The following NEGR1 variants were observed in gnomAD, a reference collection of about 807,000 sequenced individuals.
NEGR1 encodes the protein IgLON family member 4.
A neutral mutation model predicts 40.9 loss-of-function variants in NEGR1; 10 were observed. The observed-to-expected ratio is 0.24, with a 90% confidence interval of 0.15 to 0.42. The LOEUF (loss-of-function observed/expected upper bound fraction) is 0.42. Among genes scored for constraint, NEGR1 ranks in the 10% least tolerant of loss-of-function variants. The pLI is 1.00. For missense variants in NEGR1, 352 were observed against 438.9 expected, an observed-to-expected ratio of 0.80 and a Z score of 1.77; for synonymous variants, 185 against 166.8, an observed-to-expected ratio of 1.11 and a Z score of -0.84.
At chr1:71,720,393 A>G (rs1654465992) in intron 3 of NEGR1, among the ~76,000 whole-genome samples, 1 of 152,194 alleles carries the variant, frequency 6.6e-6, no homozygotes, top group Non-Finnish European at 1.5e-5. Context: ...ATACATATGC[A>G]TGGGTGATGG....
chr1:71,969,519 C>G (rs1646238727), intron 1 of NEGR1, among the ~76,000 whole-genome samples: 1 of 152,282 alleles, frequency 6.6e-6, no homozygotes, highest in South Asian at 2.1e-4. Context: ...ACCAAGCAAC[C>G]CAGTCAATCA....
chr1:71,615,086 C>T (rs2101547052), intron 4 of NEGR1, among the ~76,000 whole-genome samples: 1 of 152,254 alleles, frequency 6.6e-6, no homozygotes, highest in South Asian at 2.1e-4. Flanking sequence ...TCTCATGAGG[C>T]TATCCCTTTG....
intron 1 of NEGR1, among the ~76,000 whole-genome samples, chr1:72,132,910 G>A (rs1056212536): frequency 6.6e-6 from 1 of 152,020 alleles, no homozygotes; most frequent in Non-Finnish European, 1.5e-5. Context: ...CAGTTGTGTT[G>A]TTTTCTTCAA....
chr1:72,097,224 A>T (rs149521099), intron 1 of NEGR1, among the ~76,000 whole-genome samples: 23 of 152,276 alleles, frequency 1.5e-4, no homozygotes, highest in African/African-American at 4.8e-4. Context: ...CAATATTTTA[A>T]CTTGTTTAAT....
rs138166657 is a variant in NEGR1, at chr1:71,488,878, T to C, written c.941-81308A>G. On this transcript the variant is annotated intron_variant, in intron 6 of 6. Transcript: ENST00000357731. ...TCACAAAGATGATGGTGTGGTATAA[T>C]TGAAAATACTACACAGTTTGGAAAC... is the stretch of plus-strand genomic sequence containing the variant. 1.8e-3 allele frequency among the ~76,000 whole-genome samples: 280 copies of C among 151,890 alleles called. 2 individuals are homozygous for C. The highest frequency in any genetic ancestry group is 0.016 in the Admixed American group (241 of 15,200).
intron 6 of NEGR1, among the ~76,000 whole-genome samples, chr1:71,483,633 G>A (rs1027747810): frequency 1.3e-5 from 2 of 151,676 alleles, no homozygotes; most frequent in Non-Finnish European, 2.9e-5. Flanking sequence ...TTATCCACTG[G>A]TAGTGGCTGC....
chr1:71,831,792 G>A (rs1658849034), intron 2 of NEGR1, among the ~76,000 whole-genome samples: 1 of 111,390 alleles, frequency 9.0e-6, no homozygotes, highest in Non-Finnish European at 1.9e-5. Flanking sequence ...GATATTTTGG[G>A]CTGAGACAAA....
At chr1:72,003,904 T>C (rs1263720968) in intron 1 of NEGR1, among the ~76,000 whole-genome samples, 3 of 152,160 alleles carry the variant, frequency 2.0e-5, no homozygotes, top group African/African-American at 7.2e-5. Flanking sequence ...GATTGATAGT[T>C]CATTTGCATG....
At position 71,870,639 on chromosome 1, in the gene NEGR1, G is replaced by T. The variant is rs142887424; in HGVS notation, c.409+64440C>A. Reference sequence around the variant, plus strand: ...GAATTTGGTATTGTAATATATTAAAGATTAAGTAATACTTTTATTATTCAT... The same window carrying T: ...GAATTTGGTATTGTAATATATTAAATATTAAGTAATACTTTTATTATTCAT... On this transcript the variant is annotated intron_variant, in intron 2 of 6. Transcript: ENST00000357731. 1.1e-3 allele frequency among the ~76,000 whole-genome samples: 173 copies of T among 152,216 alleles called. 1 individual carries two copies. In the East Asian group the frequency reaches 0.019, roughly 17 times the overall value.
intron 1 of NEGR1, among the ~76,000 whole-genome samples, chr1:71,967,266 G>A (rs1036761912): frequency 6.6e-6 from 1 of 152,096 alleles, no homozygotes; most frequent in African/African-American, 2.4e-5. Flanking sequence ...TGTAATAAAT[G>A]GATTATGACG....
At chr1:72,071,485 G>C (rs1177909047) in intron 1 of NEGR1, among the ~76,000 whole-genome samples, 1 of 151,894 alleles carries the variant, frequency 6.6e-6, no homozygotes, top group Admixed American at 6.6e-5. Flanking sequence ...CAATAATCTA[G>C]GAATGTAAAT....
intron 2 of NEGR1, among the ~76,000 whole-genome samples, chr1:71,887,512 T>C (rs1241966058): frequency 6.6e-6 from 1 of 152,196 alleles, no homozygotes; most frequent in East Asian, 1.9e-4. Flanking sequence ...TTTAATTTAT[T>C]TTTTCTTTAA....
At chr1:71,873,150 G>C (rs546262587) in intron 2 of NEGR1, among the ~76,000 whole-genome samples, 2 of 147,264 alleles carry the variant, frequency 1.4e-5, no homozygotes, top group African/African-American at 5.0e-5. Flanking sequence ...GACAAATAGA[G>C]TATTTTGAGG....
intron 6 of NEGR1, among the ~76,000 whole-genome samples, chr1:71,440,688 T>G (rs1646541389): frequency 6.6e-6 from 1 of 152,208 alleles, no homozygotes; most frequent in South Asian, 2.1e-4. Context: ...CACTCCAGGC[T>G]GCTGAATCAA....
chr1:72,220,605 A>AT (rs1273740584), intron 1 of NEGR1, among the ~76,000 whole-genome samples: 1 of 152,090 alleles, frequency 6.6e-6, no homozygotes, highest in African/African-American at 2.4e-5. Flanking sequence ...CAAATTTGTG[A>AT]TATAGTACTT....
chr1:71,794,592 A>G (rs1657251296), intron 2 of NEGR1: 1 of 152,190 alleles, frequency 6.6e-6, no homozygotes, highest in Admixed American at 6.6e-5. Context: ...ATGTACATAA[A>G]TAAGTTATGC....
chr1:72,081,221 G>C (rs940229022), intron 1 of NEGR1, among the ~76,000 whole-genome samples: 7 of 152,000 alleles, frequency 4.6e-5, no homozygotes, highest in Non-Finnish European at 7.4e-5. Flanking sequence ...GTACATCCTA[G>C]AGAAATCAAA....
At chr1:71,643,004 T>A (rs1196100103) in intron 4 of NEGR1, among the ~76,000 whole-genome samples, 1 of 151,900 alleles carries the variant, frequency 6.6e-6, no homozygotes, top group Non-Finnish European at 1.5e-5. Context: ...AGAAGGGGAA[T>A]AAAAAGACCA....
intron 6 of NEGR1, among the ~76,000 whole-genome samples, chr1:71,466,437 G>A (rs1646746348): frequency 2.0e-5 from 3 of 151,952 alleles, no homozygotes; most frequent in African/African-American, 7.3e-5. Flanking sequence ...GTGCTAGTGG[G>A]AGCAGATAGT....
Sources: gnomAD v4.1 joint callset for allele counts (sites outside exome capture counted in the v4.1 genomes callset) on GRCh38, gnomAD v4.1.1 for gene constraint, MANE v1.5 for transcripts, NCBI Gene and HGNC (gene_info 2026-07-23, HGNC 2026-07-21) for gene names.